Variants in ATP2C2 observed in about 807,000 individuals in gnomAD.
ATP2C2 encodes ATPase secretory pathway Ca2+ transporting 2.
A neutral mutation model predicts 110.8 loss-of-function variants in ATP2C2; 171 were observed. The observed-to-expected ratio is 1.54, with a 90% CI of 1.36 to 1.75. ATP2C2 has a LOEUF of 1.75. ATP2C2 is among the 40% of genes most tolerant of loss of function. The probability of loss-of-function intolerance (pLI) is 0.00; values close to 1 mark genes in which losing one functional copy is unlikely to be tolerated. For missense variants in ATP2C2, 1,963 were observed against 1,235.0 expected (o/e 1.59, Z -8.84); for synonymous variants, 804 against 508.4 (o/e 1.58, Z -7.82).
intron 2 of ATP2C2, among the ~76,000 whole-genome samples, chr16:84,399,875 A>G (rs1181835271): frequency 1.3e-5 from 2 of 152,166 alleles, no homozygotes; most frequent in African/African-American, 4.8e-5. Context: ...CTTTCTGACT[A>G]TATTTTTTGT....
intron 4 of ATP2C2, 106 bp downstream of exon 4, chr16:84,408,600 A>G (rs903157638): frequency 1.1e-5 from 9 of 808,284 alleles, no homozygotes; most frequent in Admixed American, 5.1e-5. Context: ...TGTAGGGGGG[A>G]AAAAGGAGCA....
Position 84,414,201 on chromosome 16 carries a change from G to C in ATP2C2, c.516-1282G>C, listed in dbSNP as rs569867891. Among the ~76,000 whole-genome samples, 272 of 152,284 alleles carry C rather than the reference G, an allele frequency of 1.8e-3. 2 individuals are homozygous for C. Among genetic ancestry groups the C allele is most frequent in the African/African-American group, 6.2e-3 (259 of 41,554 alleles). On this transcript the variant is annotated intron_variant, in intron 6 of 26. Coordinates refer to ENST00000262429, the MANE Select transcript of ATP2C2 (RefSeq NM_014861.4). ...AGCAACAGGTATATCTCTGGCAGGTGCTCTTGGCTACAAGGAACAGAAAGT... is the reference window on the plus strand; with the variant it reads ...AGCAACAGGTATATCTCTGGCAGGTCCTCTTGGCTACAAGGAACAGAAAGT...
At chr16:84,406,388 C>G (rs572621767) in intron 3 of ATP2C2, among the ~76,000 whole-genome samples, 2 of 152,362 alleles carry the variant, frequency 1.3e-5, no homozygotes, top group East Asian at 3.9e-4. Context: ...CCTTTTCCAG[C>G]CTTTTGCATG....
chr16:84,412,446 GTGTGTC>G (rs1408195259), intron 6 of ATP2C2, among the ~76,000 whole-genome samples: 4 of 147,244 alleles, frequency 2.7e-5, no homozygotes, highest in Non-Finnish European at 4.5e-5. Context: ...GTATGCATGT[GTGTGTC>G]TGTGTCTCCG....
chr16:84,427,428 G>T (rs1271344812), intron 11 of ATP2C2, among the ~76,000 whole-genome samples: 1 of 152,038 alleles, frequency 6.6e-6, no homozygotes, highest in Non-Finnish European at 1.5e-5. Context: ...TTCAAAAATA[G>T]GTCACTCGGC....
At chr16:84,440,117 C>T (rs148001813) in intron 13 of ATP2C2, among the ~76,000 whole-genome samples, 3,110 of 152,330 alleles carry the variant, frequency 0.02, 133 homozygotes, top group African/African-American at 0.071. Context: ...GGATTACAGG[C>T]GTGAGCCACC....
chr16:84,415,536 A>T lies in ATP2C2; in HGVS notation c.569A>T (p.Asp190Val). 2 of 1,614,190 alleles carry T rather than the reference A, an allele frequency of 1.2e-6. No homozygotes were observed. The highest frequency in any genetic ancestry group is 1.7e-6 in the Non-Finnish European group (2 of 1,180,024). ...HLLARELVPGDVVSLSIGDRI... is the reference protein window; with the variant it reads ...HLLARELVPGVVVSLSIGDRI... ...CTTGCTCGAGAACTGGTTCCTGGTG[A>T]TGTCGTATCTCTCTCGATCGGAGAC... Residue 190 changes from aspartate (D) to valine (V), a missense_variant, in exon 7 of 27, where the codon GAT becomes GTT. Transcript: ENST00000262429.
At chr16:84,443,587 T>C (rs553499218) in intron 15 of ATP2C2, among the ~76,000 whole-genome samples, 1 of 152,266 alleles carries the variant, frequency 6.6e-6, no homozygotes, top group African/African-American at 2.4e-5. Context: ...CACTGGCGAG[T>C]GCCGACTTTC....
At chr16:84,415,676 G>A in intron 7 of ATP2C2, 85 bp downstream of exon 7, 1 of 1,101,998 alleles carries the variant, frequency 9.1e-7, no homozygotes, top group Admixed American at 2.3e-5. Flanking sequence ...GGCATGTATA[G>A]TCTCTCTCAT....
At chr16:84,418,357 C>A (rs1907022840) in intron 7 of ATP2C2, among the ~76,000 whole-genome samples, 1 of 152,096 alleles carries the variant, frequency 6.6e-6, no homozygotes, top group Non-Finnish European at 1.5e-5. Context: ...GCCCTGGGAG[C>A]CTGGGAGGTC....
intron 1 of ATP2C2, among the ~76,000 whole-genome samples, chr16:84,385,293 G>A (rs909937033): frequency 7.9e-5 from 12 of 152,084 alleles, no homozygotes; most frequent in Admixed American, 3.3e-4. Context: ...GAGATCTCAC[G>A]AGAACTCACA....
At chr16:84,421,468 C>T (rs1038661911) in intron 7 of ATP2C2, among the ~76,000 whole-genome samples, 1 of 152,180 alleles carries the variant, frequency 6.6e-6, no homozygotes, top group Admixed American at 6.5e-5. Flanking sequence ...AATCATTGAT[C>T]TAGCTGTGGT....
chr16:84,458,912 G>A (rs1910960249), intron 21 of ATP2C2, among the ~76,000 whole-genome samples: 1 of 152,180 alleles, frequency 6.6e-6, no homozygotes, highest in Non-Finnish European at 1.5e-5. Context: ...ATGGCTCAAG[G>A]ATCAGTTCCC....
chr16:84,417,553 C>G (rs577244454), intron 7 of ATP2C2, among the ~76,000 whole-genome samples: 50 of 152,338 alleles, frequency 3.3e-4, no homozygotes, highest in African/African-American at 1.0e-3. Flanking sequence ...CCCCAGGTAA[C>G]TTCCTTACTG....
intron 26 of ATP2C2, 44 bp downstream of exon 26, chr16:84,462,173 C>A (rs370445287): frequency 1.9e-6 from 3 of 1,584,660 alleles, no homozygotes; most frequent in East Asian, 2.3e-5. Context: ...CGACCAGGGC[C>A]ATGGGGGGCG....
intron 17 of ATP2C2, among the ~76,000 whole-genome samples, chr16:84,451,437 G>A (rs1939475697): frequency 6.6e-6 from 1 of 152,200 alleles, no homozygotes; most frequent in African/African-American, 2.4e-5. Flanking sequence ...TTGTGCACCT[G>A]CGCAGGCCTG....
chr16:84,451,537 TG>T (rs920220736), intron 17 of ATP2C2, among the ~76,000 whole-genome samples: 4 of 151,998 alleles, frequency 2.6e-5, no homozygotes, highest in Non-Finnish European at 5.9e-5. Context: ...TGGGCCATGG[TG>T]GGGGCTGGCT....
At chr16:84,404,926 A>G (rs747304042) in intron 2 of ATP2C2, 1 of 686,048 alleles carries the variant, frequency 1.5e-6, no homozygotes, top group South Asian at 1.5e-5. Context: ...CTGTAATTAT[A>G]ATGGTCACTG....
rs373954854 is a variant in ATP2C2, at chr16:84,459,265, C to T, written c.2217-5C>T. The T allele has an allele frequency of 3.6e-5, 58 of 1,614,178 alleles. No individual in the cohort carries two copies. The Middle Eastern group carries it at 2.0e-3, about 55-fold the overall frequency. ...GGCCGCTGACTGGCTGCGTGTGCCCCGCAGGAGCATCTCCGCCCTGAGTCT... is the reference window on the plus strand; with the variant it reads ...GGCCGCTGACTGGCTGCGTGTGCCCTGCAGGAGCATCTCCGCCCTGAGTCT... On this transcript the variant is annotated splice_polypyrimidine_tract_variant and splice_region_variant and intron_variant, in intron 22 of 26. Transcript: ENST00000262429.
Sources: allele counts gnomAD v4.1 joint callset (sites outside exome capture counted in the v4.1 genomes callset), GRCh38; gene constraint gnomAD v4.1.1; transcripts MANE v1.5; gene names NCBI Gene and HGNC (gene_info 2026-07-23, HGNC 2026-07-21).